The following NCR3LG1 variants were observed in gnomAD, a reference collection of about 807,000 sequenced individuals.
NCR3LG1 encodes the protein natural cytotoxicity triggering receptor 3 ligand 1.
NCR3LG1 carries 35 observed loss-of-function variants against 34.8 expected under a neutral mutation model. The observed-to-expected ratio is 1.01, with a 90% CI of 0.77 to 1.33. The LOEUF is 1.33. NCR3LG1 is among the 40% of genes most tolerant of loss of function. NCR3LG1 has a pLI of 0.00. For missense variants in NCR3LG1, 452 were observed against 423.3 expected (o/e 1.07, Z -0.60); for synonymous variants, 173 against 163.6 (o/e 1.06, Z -0.44).
chr11:17,370,214 T>A (rs1191439626), intron 4 of NCR3LG1, among the ~76,000 whole-genome samples: 1 of 152,232 alleles, frequency 6.6e-6, no homozygotes. Flanking sequence ...GCCCCCTCTC[T>A]GCAGTGGAGT....
At position 17,356,761 on chromosome 11, in the gene NCR3LG1, A is replaced by G. The variant is rs181817023; in HGVS notation, c.181A>G (p.Met61Val). 68 of 1,536,404 alleles carry G rather than the reference A, an allele frequency of 4.4e-5. No homozygotes were observed. The highest frequency in any genetic ancestry group is 4.2e-4 in the South Asian group (35 of 84,060). Reference protein sequence around the residue: ...FYSQPLNITSMGITWFWKSLT... With the variant: ...FYSQPLNITSVGITWFWKSLT... ...TTCCCAACCCCTCAACATCACGTCTATGGGTATCACCTGGTTTTGGAAGAG... is the reference window on the plus strand; with the variant it reads ...TTCCCAACCCCTCAACATCACGTCTGTGGGTATCACCTGGTTTTGGAAGAG... The change falls in exon 2 of 5, where the codon ATG (methionine) becomes GTG (valine). Residue 61 changes from methionine to valine, a missense_variant. By Grantham distance (21) the Met-to-Val change is conservative. Coordinates refer to ENST00000338965, the MANE Select transcript of NCR3LG1 (RefSeq NM_001202439.3).
At chr11:17,360,303 A>G (rs1400772638) in intron 2 of NCR3LG1, among the ~76,000 whole-genome samples, 1 of 152,232 alleles carries the variant, frequency 6.6e-6, no homozygotes, top group Non-Finnish European at 1.5e-5. Context: ...TTTATCAGAT[A>G]GATGTCTCAC....
At chr11:17,367,461 C>A in intron 3 of NCR3LG1, 114 bp downstream of exon 3, 1 of 948,654 alleles carries the variant, frequency 1.1e-6, no homozygotes, top group Non-Finnish European at 1.5e-6. Context: ...ACAGAGAAAG[C>A]TTGGACTGGA....
intron 2 of NCR3LG1, among the ~76,000 whole-genome samples, chr11:17,360,459 C>T (rs1953258151): frequency 6.6e-6 from 1 of 152,202 alleles, no homozygotes; most frequent in African/African-American, 2.4e-5. Context: ...TAAAGCTCAT[C>T]ACCAAACCCA....
intron 2 of NCR3LG1, among the ~76,000 whole-genome samples, chr11:17,362,800 T>TCTCTC (rs541537146): frequency 1.4e-4 from 14 of 98,928 alleles, no homozygotes; most frequent in Non-Finnish European, 2.1e-4. Context: ...TTCTCTCTCT[T>TCTCTC]TCTTTCTTTC....
At chr11:17,360,477 C>T (rs1953258268) in intron 2 of NCR3LG1, among the ~76,000 whole-genome samples, 1 of 152,154 alleles carries the variant, frequency 6.6e-6, no homozygotes, top group Admixed American at 6.5e-5. Context: ...CCAAGGCTAC[C>T]TAGATTTTCT....
downstream of NCR3LG1, among the ~76,000 whole-genome samples, chr11:17,378,335 C>T (rs1953494125): frequency 6.6e-6 from 1 of 152,094 alleles, no homozygotes; most frequent in Non-Finnish European, 1.5e-5. Flanking sequence ...GGCTCCAGTC[C>T]CAGTTGGCTA....
chr11:17,369,795 G>A (rs980563835), intron 4 of NCR3LG1, among the ~76,000 whole-genome samples: 4 of 152,200 alleles, frequency 2.6e-5, no homozygotes, highest in African/African-American at 9.7e-5. Flanking sequence ...ATTTGTGACT[G>A]TTGTCATATT....
At position 17,367,015 on chromosome 11, in the gene NCR3LG1, C is replaced by T. The variant is rs1198914445; in HGVS notation, c.428C>T (p.Pro143Leu). Reference protein sequence around the residue: ...GTVQLEVVASPASRLLLDQVG... With the variant: ...GTVQLEVVASLASRLLLDQVG... The stretch of plus-strand genomic sequence containing the variant: ...GATTTTTTTTCCCTGACAGCTTCCC[C>T]AGCCAGCAGATTGTTGCTGGATCAA... The change falls in exon 3 of 5, where the codon CCA (proline) becomes CTA (leucine). Residue 143 changes from proline to leucine, a missense_variant. Pro to Leu is a moderately conservative substitution (Grantham distance 98). Transcript: ENST00000338965. The T allele has an allele frequency of 2.0e-6, 3 of 1,530,718 alleles. No homozygotes were observed. The highest frequency in any genetic ancestry group is 1.7e-4 in the Middle Eastern group (1 of 5,994). 94.8% of individuals were successfully genotyped at this position (1,530,718 alleles called of 1,614,324 possible).
Position 17,375,528 on chromosome 11 carries a change from T to C in NCR3LG1, c.*3016T>C, listed in dbSNP as rs1381969140. ...TAAGCAAAGGAAAGACAGCTAACATTTATACTGACTCCAAGTGTACCTTTC... is the reference window on the plus strand; with the variant it reads ...TAAGCAAAGGAAAGACAGCTAACATCTATACTGACTCCAAGTGTACCTTTC... On this transcript the variant is annotated 3_prime_UTR_variant, in exon 5 of 5. Transcript: ENST00000338965. The C allele has an allele frequency of 6.6e-6, 1 of 152,218 alleles. No homozygotes were observed. Among genetic ancestry groups the C allele is most frequent in the Non-Finnish European group, 1.5e-5 (1 of 68,054 alleles). The allele number at this position is 152,218 out of a possible 1,614,324, so 9.4% of individuals were successfully genotyped here.
At chr11:17,381,321 A>G (rs907542183), downstream of NCR3LG1, 11 of 152,516 alleles carry the variant, frequency 7.2e-5, no homozygotes, top group African/African-American at 2.7e-4. Context: ...TCCTACACAG[A>G]GACAGATGGC....
Position 17,362,688 on chromosome 11 carries a change from CTTCCT to C in NCR3LG1, c.422-4317_422-4313del, listed in dbSNP as rs1953284975. Among the ~76,000 whole-genome samples, 5 of 16,030 alleles carry C rather than the reference CTTCCT, an allele frequency of 3.1e-4. No individual in the cohort carries two copies. In the African/African-American group the frequency reaches 4.9e-3, roughly 16 times the overall value. 10.5% of individuals were successfully genotyped at this position (16,030 alleles called of 152,430 possible). A position where few individuals can be genotyped will look rare whatever the true frequency, so the allele number is the denominator to read the frequency against. On this transcript the variant is annotated intron_variant, in intron 2 of 4. Transcript: ENST00000338965. Reference sequence around the variant, plus strand: ...GACTCAGTGTCTCCTTCCTTCCTTCCTTCCTTTCTTTCTTTCTTTCTTTCTTTCTT... The same window carrying C: ...GACTCAGTGTCTCCTTCCTTCCTTCCTTCTTTCTTTCTTTCTTTCTTTCTT...
At chr11:17,356,513 C>A in intron 1 of NCR3LG1, 138 bp from the exon 2 acceptor site, 1 of 644,482 alleles carries the variant, frequency 1.6e-6, no homozygotes, top group Non-Finnish European at 2.6e-6. Context: ...TCCCAAAGGC[C>A]CTGCCTCCAG....
At chr11:17,354,545 C>CTTCTTT (rs1565500552) in intron 1 of NCR3LG1, among the ~76,000 whole-genome samples, 1 of 70,292 alleles carries the variant, frequency 1.4e-5, no homozygotes, top group Non-Finnish European at 3.4e-5. Flanking sequence ...AATTCTTCTT[C>CTTCTTT]TTTTTTTTTT....
chr11:17,365,956 C>T (rs1183366900), intron 2 of NCR3LG1, among the ~76,000 whole-genome samples: 2 of 152,214 alleles, frequency 1.3e-5, no homozygotes, highest in Admixed American at 6.5e-5. Context: ...CCTTCTTTCT[C>T]CAGTTTTCTG....
chr11:17,355,780 GTCTTT>G (rs1466705176), intron 1 of NCR3LG1, among the ~76,000 whole-genome samples: 1 of 152,066 alleles, frequency 6.6e-6, no homozygotes, highest in African/African-American at 2.4e-5. Flanking sequence ...TCTCTGTCAT[GTCTTT>G]TCTTATTTAT....
At chr11:17,369,327 C>T (rs1445346330) in intron 4 of NCR3LG1, among the ~76,000 whole-genome samples, 2 of 152,208 alleles carry the variant, frequency 1.3e-5, no homozygotes, top group Non-Finnish European at 2.9e-5. Flanking sequence ...TTTTCTCACA[C>T]ATTTAGAAAC....
At chr11:17,352,326 G>A (rs899595187) in intron 1 of NCR3LG1, among the ~76,000 whole-genome samples, 1 of 151,800 alleles carries the variant, frequency 6.6e-6, no homozygotes, top group Admixed American at 6.6e-5. Context: ...GACCACAGGC[G>A]CCCGCCACCA....
In NCR3LG1 at chr11:17,370,396, C is replaced by T. The variant is rs147115595; in HGVS notation, c.858+1432C>T. Among the ~76,000 whole-genome samples, 445 of 152,302 alleles carry T rather than the reference C, an allele frequency of 2.9e-3. 1 individual carries two copies. The highest frequency in any genetic ancestry group is 4.6e-3 in the Non-Finnish European group (315 of 68,024). On this transcript the variant is annotated intron_variant, in intron 4 of 4. Coordinates refer to ENST00000338965, the MANE Select transcript of NCR3LG1 (RefSeq NM_001202439.3). ...ACATTTTGGTGCATTGGCCAGGAAA[C>T]ATTGGAAGGGTGAGTAGGAGCGGAC... is the stretch of plus-strand genomic sequence containing the variant.
Sources: gnomAD v4.1 joint callset for allele counts (sites outside exome capture counted in the v4.1 genomes callset) on GRCh38, gnomAD v4.1.1 for gene constraint, MANE v1.5 for transcripts, NCBI Gene and HGNC (gene_info 2026-07-23, HGNC 2026-07-21) for gene names.